PAWR: variants seen among roughly 807,000 people sequenced by gnomAD.
PAWR encodes pro-apoptotic WT1 regulator.
Under a neutral mutation model 32.0 loss-of-function variants are expected in PAWR, and 23 were observed. The observed-to-expected ratio is 0.72, with a 90% confidence interval of 0.52 to 1.02. PAWR has a LOEUF of 1.02. PAWR is among the 50% of genes least tolerant of loss of function. The pLI, the probability that PAWR is intolerant of heterozygous loss-of-function variation, is 0.00. For synonymous variants in PAWR, 226 were observed against 187.1 expected (o/e 1.21, Z -1.70); for missense variants, 457 against 437.7 (o/e 1.04, Z -0.39).
intron 4 of PAWR, among the ~76,000 whole-genome samples, chr12:79,599,713 C>A (rs1873889201): frequency 6.6e-6 from 1 of 152,212 alleles, no homozygotes; most frequent in Admixed American, 6.5e-5. Context: ...GTATCACTGT[C>A]CTGTCCCTAA....
chr12:79,640,684 C>G (rs1268979045), intron 2 of PAWR, among the ~76,000 whole-genome samples: 1 of 152,064 alleles, frequency 6.6e-6, no homozygotes, highest in African/African-American at 2.4e-5. Context: ...CAGGATGAGG[C>G]TGCAGTGAGC....
chr12:79,623,929 T>A (rs180892204), intron 2 of PAWR, among the ~76,000 whole-genome samples: 356 of 152,294 alleles, frequency 2.3e-3, no homozygotes, highest in Non-Finnish European at 4.2e-3. Flanking sequence ...ATAAAAGGCA[T>A]TTTAAATCAA....
At chr12:79,617,875 C>T (rs1284369739) in intron 3 of PAWR, among the ~76,000 whole-genome samples, 1 of 152,018 alleles carries the variant, frequency 6.6e-6, no homozygotes, top group African/African-American at 2.4e-5. Flanking sequence ...GAGTATGGGA[C>T]CTGCCCCCGC....
rs574477682 is a variant in PAWR, at chr12:79,611,022, CTTAT to C, written c.683+2549_683+2552del. Among the ~76,000 whole-genome samples, 265 of 150,770 alleles carry C rather than the reference CTTAT, an allele frequency of 1.8e-3. 1 individual carries two copies. Among genetic ancestry groups the C allele is most frequent in the African/African-American group, 5.4e-3 (225 of 41,322 alleles). The stretch of plus-strand genomic sequence containing the variant: ...AGACTCAAGGCTAAAAATGTACATT[CTTAT>C]TTGTGAGAAAAATTAAGTATTTAAT... On this transcript the variant is annotated intron_variant, in intron 4 of 6. Coordinates refer to ENST00000328827, the MANE Select transcript of PAWR (RefSeq NM_002583.4).
intron 2 of PAWR, among the ~76,000 whole-genome samples, chr12:79,667,253 G>A (rs1325632403): frequency 6.6e-6 from 1 of 152,168 alleles, no homozygotes; most frequent in Non-Finnish European, 1.5e-5. Flanking sequence ...CAATTTACCA[G>A]TGATTGCTGA....
intron 2 of PAWR, among the ~76,000 whole-genome samples, chr12:79,681,042 G>A (rs183728936): frequency 1.3e-5 from 2 of 149,854 alleles, no homozygotes; most frequent in Non-Finnish European, 3.0e-5. Flanking sequence ...TTGAACTCAG[G>A]AGGTTGAGTC....
chr12:79,585,186 G>T lies in PAWR; in HGVS notation c.*7421C>A, dbSNP rs1176896613. On this transcript the variant is annotated 3_prime_UTR_variant, in exon 7 of 7. Transcript: ENST00000328827. Reference sequence around the variant, plus strand: ...CAAAACAAAAACAAACAAAAAACAAGTTCATGTTATTTCTACAATGTCCAA... The same window carrying T: ...CAAAACAAAAACAAACAAAAAACAATTTCATGTTATTTCTACAATGTCCAA... 4 of 450,716 alleles carry T rather than the reference G, an allele frequency of 8.9e-6. No homozygotes were observed. The highest frequency in any genetic ancestry group is 7.2e-5 in the Admixed American group (3 of 41,516). 27.9% of individuals were successfully genotyped at this position (450,716 alleles called of 1,614,324 possible).
chr12:79,604,048 G>T (rs1293563496), intron 4 of PAWR: 1 of 157,696 alleles, frequency 6.3e-6, no homozygotes, highest in Non-Finnish European at 1.4e-5. Flanking sequence ...TATGTTTTAG[G>T]GAATACTGTC....
intron 2 of PAWR, among the ~76,000 whole-genome samples, chr12:79,687,652 A>G (rs2136899087): frequency 6.6e-6 from 1 of 152,310 alleles, no homozygotes; most frequent in Middle Eastern, 3.4e-3. Context: ...TAAATATTAC[A>G]CAAGAAACTC....
intron 2 of PAWR, among the ~76,000 whole-genome samples, chr12:79,671,637 G>A (rs748872864): frequency 1.3e-5 from 2 of 151,622 alleles, no homozygotes; most frequent in Admixed American, 6.6e-5. Flanking sequence ...TCCTCGATAC[G>A]AGGGATATAA....
chr12:79,657,618 C>T (rs1877154790), intron 2 of PAWR, among the ~76,000 whole-genome samples: 1 of 151,926 alleles, frequency 6.6e-6, no homozygotes, highest in African/African-American at 2.4e-5. Context: ...GGTGAAACCC[C>T]GTCTCTACTA....
chr12:79,625,735 T>A (rs1026837485), intron 2 of PAWR, among the ~76,000 whole-genome samples: 1 of 148,094 alleles, frequency 6.8e-6, no homozygotes, highest in African/African-American at 2.5e-5. Flanking sequence ...CAGGAGAATG[T>A]CGCGAACGCG....
intron 2 of PAWR, among the ~76,000 whole-genome samples, chr12:79,628,743 A>G (rs1040645718): frequency 1.3e-5 from 2 of 152,152 alleles, no homozygotes; most frequent in African/African-American, 2.4e-5. Flanking sequence ...ATGAATAAAT[A>G]TAAGAAACTG....
At chr12:79,639,490 G>A (rs994672028) in intron 2 of PAWR, among the ~76,000 whole-genome samples, 4 of 152,048 alleles carry the variant, frequency 2.6e-5, no homozygotes, top group Admixed American at 2.0e-4. Context: ...TACGTTTGTG[G>A]TTTAGTGTCT....
chr12:79,607,212 T>G (rs1874218778), intron 4 of PAWR, among the ~76,000 whole-genome samples: 1 of 151,790 alleles, frequency 6.6e-6, no homozygotes, highest in South Asian at 2.1e-4. Flanking sequence ...TCACTTGAGG[T>G]CAGGAGTTTG....
At chr12:79,599,116 C>T (rs1391125021) in intron 4 of PAWR, among the ~76,000 whole-genome samples, 1 of 152,180 alleles carries the variant, frequency 6.6e-6, no homozygotes, top group Non-Finnish European at 1.5e-5. Flanking sequence ...AGCTAACTCA[C>T]ATATTTGAAA....
chr12:79,608,070 A>G (rs1483612519), intron 4 of PAWR, among the ~76,000 whole-genome samples: 2 of 152,050 alleles, frequency 1.3e-5, no homozygotes, highest in Admixed American at 6.5e-5. Flanking sequence ...AAAAAATCAT[A>G]AAGTTCCATC....
chr12:79,627,809 A>G (rs1302174243), intron 2 of PAWR, among the ~76,000 whole-genome samples: 1 of 152,178 alleles, frequency 6.6e-6, no homozygotes, highest in Non-Finnish European at 1.5e-5. Flanking sequence ...TTCATAAAGC[A>G]AGTCCTGAGT....
At chr12:79,632,132 C>CAAAAAAAAAAAAAA (rs59152885) in intron 2 of PAWR, 186 of 50,908 alleles carry the variant, frequency 3.7e-3, no homozygotes, top group African/African-American at 0.012. Flanking sequence ...GACTCTGTCT[C>CAAAAAAAAAAAAAA]AAAAAAAAAA....
Sources: allele counts gnomAD v4.1 joint callset (sites outside exome capture counted in the v4.1 genomes callset), GRCh38; gene constraint gnomAD v4.1.1; transcripts MANE v1.5; gene names NCBI Gene and HGNC (gene_info 2026-07-23, HGNC 2026-07-21).